The following RNF113B variants were observed in gnomAD, a reference collection of about 807,000 sequenced individuals.
The protein encoded by RNF113B is zinc finger protein 183-like 1.
A neutral mutation model predicts 22.2 loss-of-function variants in RNF113B; 12 were observed. The ratio of observed to expected loss-of-function variants is 0.54; its 90% CI spans 0.35 to 0.87. RNF113B has a LOEUF of 0.87. Ranked by LOEUF, RNF113B falls within the 40% of genes least tolerant of loss-of-function variation. The pLI is 0.01. For missense variants in RNF113B, 442 were observed against 455.4 expected, an observed-to-expected ratio of 0.97 and a Z score of 0.27; for synonymous variants, 194 against 184.6, an observed-to-expected ratio of 1.05 and a Z score of -0.41.
rs1345594228 is a variant in RNF113B, at chr13:98,177,086, C to T, written c.151G>A (p.Asp51Asn). Residue 51 changes from aspartate to asparagine, a missense_variant, in exon 1 of 2, where the codon GAC becomes AAC. Coordinates refer to ENST00000267291, the MANE Select transcript of RNF113B (RefSeq NM_178861.5). ...GGCTGAGCCACTGTGTCGCCCTCGT[C>T]CCCGCTGCTGCTGCTCTCTCCGTGC... Reference protein sequence around the residue: ...PEHGESSSSGDEGDTVAQPPR... With the variant: ...PEHGESSSSGNEGDTVAQPPR... The T allele has an allele frequency of 6.3e-7, 1 of 1,598,760 alleles. No individual in the cohort carries two copies. The highest frequency in any genetic ancestry group is 1.1e-5 in the South Asian group (1 of 90,904).
Position 98,176,983 on chromosome 13 carries a change from G to T in RNF113B, c.254C>A (p.Ala85Glu). 1.3e-6 allele frequency: 2 copies of T among 1,599,422 alleles called. No individual in the cohort carries two copies. Among genetic ancestry groups the T allele is most frequent in the Non-Finnish European group, 1.7e-6 (2 of 1,179,502 alleles). Residue 85 changes from alanine (A) to glutamate (E), a missense_variant, in exon 1 of 2, where the codon GCG (alanine) becomes GAG (glutamate). Transcript: ENST00000267291. The surrounding 1 kb of genome is among the most constrained non-coding windows in gnomAD (Gnocchi z 6.2). ...CACCACGTCGAGGCTCTCAGGCGCC[G>T]CCTCCTCGCCCCTCCTGTCGCCGTG... The part of the protein sequence containing the change: ...AAHGDRRGEE[A>E]APESLDVVYR...
At position 98,176,080 on chromosome 13, in the gene RNF113B, TG is replaced by T; in HGVS notation, c.*82del. ...ATTCTTTTGGTTACATACTCAGGCA[TG>T]GGATTGCAGGAAGACTGTCATCTCT... On this transcript the variant is annotated 3_prime_UTR_variant, in exon 2 of 2. Transcript: ENST00000267291. This position sits in a 1 kb window ranked among gnomAD's most constrained non-coding sequence, Gnocchi z 6.2. The T allele has an allele frequency of 7.5e-6, 9 of 1,195,120 alleles. No homozygotes were observed. Among genetic ancestry groups the T allele is most frequent in the Non-Finnish European group, 1.1e-5 (9 of 811,126 alleles). The allele number at this position is 1,195,120 out of a possible 1,614,324, so 74.0% of individuals were successfully genotyped here.
rs749879415 is a variant in RNF113B at position 98,176,517 on chromosome 13, G to A, written c.720C>T (p.Asp240=). ...LEEGRYCICE[D]ENHEVGSEEE... ...CCTCGCTTCCCACTTCATGGTTTTC[G>A]TCCTCGCAGATACAGTAGCGACCCT... Residue 240 remains aspartate, a synonymous_variant, in exon 1 of 2, where the codon GAC becomes GAT. Coordinates refer to ENST00000267291, the MANE Select transcript of RNF113B (RefSeq NM_178861.5). The surrounding 1 kb of genome is among the most constrained non-coding windows in gnomAD (Gnocchi z 6.2). The A allele has an allele frequency of 4.5e-5, 72 of 1,614,016 alleles. No individual in the cohort carries two copies. The highest frequency in any genetic ancestry group is 6.0e-5 in the Non-Finnish European group (71 of 1,180,034).
At position 98,176,482 on chromosome 13, in the gene RNF113B, A is replaced by T; in HGVS notation, c.755T>A (p.Ile252Lys). 1 of 1,614,130 alleles carries T rather than the reference A, an allele frequency of 6.2e-7. No homozygotes were observed. Among genetic ancestry groups the T allele is most frequent in the South Asian group, 1.1e-5 (1 of 91,086 alleles). Residue 252 changes from isoleucine (I) to lysine (K), a missense_variant, in exon 1 of 2, where the codon ATA becomes AAA. Coordinates refer to ENST00000267291, the MANE Select transcript of RNF113B (RefSeq NM_178861.5). The surrounding 1 kb of genome is among the most constrained non-coding windows in gnomAD (Gnocchi z 6.2). ...NHEVGSEEEE[I>K]PFRCFICRQA... ...GCGACATATGAAACACCTGAATGGT[A>T]TTTCCTCTTCCTCGCTTCCCACTTC...
chr13:98,177,240 T>G lies in RNF113B; in HGVS notation c.-4A>C. 1 of 1,545,056 alleles carries G rather than the reference T, an allele frequency of 6.5e-7. No homozygotes were observed. Reference sequence around the variant, plus strand: ...CTGGAGAAGGTGGCGCTGCCATGTTTGAGTCTCAGGCTCCCAACGGCCGTG... The same window carrying G: ...CTGGAGAAGGTGGCGCTGCCATGTTGGAGTCTCAGGCTCCCAACGGCCGTG... On this transcript the variant is annotated 5_prime_UTR_variant, in exon 1 of 2. Transcript: ENST00000267291.
In RNF113B at chr13:98,176,160, TTCTTATC is replaced by T; in HGVS notation, c.965_*2del. On this transcript the variant is annotated stop_lost and 3_prime_UTR_variant, in exon 2 of 2. Coordinates refer to ENST00000267291, the MANE Select transcript of RNF113B (RefSeq NM_178861.5). This position sits in a 1 kb window ranked among gnomAD's most constrained non-coding sequence, Gnocchi z 6.2. ...CCAGTGTACATACAGACTTGAGTCTTTCTTATCTCTTTTTTCCTAAAAGAACAAAAAA... is the reference window on the plus strand; with the variant it reads ...CCAGTGTACATACAGACTTGAGTCTTTCTTTTTTCCTAAAAGAACAAAAAA... 6.2e-7 allele frequency: 1 copy of T among 1,608,554 alleles called. No homozygotes were observed. The highest frequency in any genetic ancestry group is 1.1e-5 in the South Asian group (1 of 90,688).
rs776956246 is a variant in RNF113B, at chr13:98,177,130, C to T, written c.107G>A (p.Arg36His). ...TCCGTGCTCGGGGTCGCAGGCCGGG[C>T]GCTTTCTGAGGCCTGCAGCCCCTTT... The part of the protein sequence containing the change: ...GRKGAAGLRK[R>H]PACDPEHGES... The change falls in exon 1 of 2, where the codon CGC becomes CAC. Residue 36 changes from arginine to histidine, a missense_variant. By Grantham distance (29) the Arg-to-His change is conservative. Transcript: ENST00000267291. The T allele has an allele frequency of 3.1e-6, 5 of 1,604,276 alleles. No homozygotes were observed. The highest frequency in any genetic ancestry group is 1.3e-5 in the African/African-American group (1 of 74,868).
chr13:98,176,685 G>A lies in RNF113B; in HGVS notation c.552C>T (p.Arg184=), dbSNP rs768583405. The part of the protein sequence containing the change: ...KGPIRAPGHL[R]ATVRWDYQPD... ...GCTGGTAATCCCAGCGCACAGTGGCGCGCAGATGCCCTGGCGCACGTATGG... is the reference window on the plus strand; with the variant it reads ...GCTGGTAATCCCAGCGCACAGTGGCACGCAGATGCCCTGGCGCACGTATGG... The change falls in exon 1 of 2, where the codon CGC becomes CGT. Residue 184 remains arginine (R), a synonymous_variant. Coordinates refer to ENST00000267291, the MANE Select transcript of RNF113B (RefSeq NM_178861.5). This position sits in a 1 kb window ranked among gnomAD's most constrained non-coding sequence, Gnocchi z 6.2. 3.7e-6 allele frequency: 6 copies of A among 1,614,210 alleles called. No individual in the cohort carries two copies. Among genetic ancestry groups the A allele is most frequent in the Admixed American group, 3.3e-5 (2 of 60,030 alleles).
chr13:98,176,820 C>T lies in RNF113B; in HGVS notation c.417G>A (p.Arg139=). ...KCSQRVQEAL[R]GREHDHIYRG... is the part of the protein sequence containing the mutation. ...GGTAGATGTGGTCGTGCTCCCGACC[C>T]CGCAGTGCCTCCTGGACCCGCTGGC... Residue 139 remains arginine, a synonymous_variant, in exon 1 of 2, where the codon CGG becomes CGA. Coordinates refer to ENST00000267291, the MANE Select transcript of RNF113B (RefSeq NM_178861.5). The surrounding 1 kb of genome is among the most constrained non-coding windows in gnomAD (Gnocchi z 6.2). 1 of 1,612,728 alleles carries T rather than the reference C, an allele frequency of 6.2e-7. No individual in the cohort carries two copies. The highest frequency in any genetic ancestry group is 8.5e-7 in the Non-Finnish European group (1 of 1,179,990).
In RNF113B at chr13:98,177,152, C is replaced by A. The variant is rs1327860170; in HGVS notation, c.85G>T (p.Gly29Trp). The stretch of plus-strand genomic sequence containing the variant: ...GGGCGCTTTCTGAGGCCTGCAGCCC[C>A]TTTCCGTCCAGGCTTTTTGAAGAGG... ...TFLFKKPGRKGAAGLRKRPAC... is the reference protein window; with the variant it reads ...TFLFKKPGRKWAAGLRKRPAC... The change falls in exon 1 of 2, where the codon GGG (glycine) becomes TGG (tryptophan). Residue 29 changes from glycine to tryptophan, a missense_variant. Transcript: ENST00000267291. 1 of 1,607,410 alleles carries A rather than the reference C, an allele frequency of 6.2e-7. No individual in the cohort carries two copies.
rs1482387883 is a variant in RNF113B at position 98,177,055 on chromosome 13, C to T, written c.182G>A (p.Arg61Gln). ...DEGDTVAQPP[R>Q]VAPRPRGLHS... ...GAGGCCCCGGGGCCTCGGTGCCACCCGCGGGGGCTGAGCCACTGTGTCGCC... is the reference window on the plus strand; with the variant it reads ...GAGGCCCCGGGGCCTCGGTGCCACCTGCGGGGGCTGAGCCACTGTGTCGCC... Residue 61 changes from arginine to glutamine, a missense_variant, in exon 1 of 2, where the codon CGG (arginine) becomes CAG (glutamine). By Grantham distance (43) the Arg-to-Gln change is conservative (BLOSUM62 1). Coordinates refer to ENST00000267291, the MANE Select transcript of RNF113B (RefSeq NM_178861.5). The T allele has an allele frequency of 1.9e-6, 3 of 1,594,562 alleles. No individual in the cohort carries two copies. The highest frequency in any genetic ancestry group is 2.2e-5 in the South Asian group (2 of 90,562).
chr13:98,176,588 G>A lies in RNF113B; in HGVS notation c.649C>T (p.Arg217Cys). ...TCCCACCCGAGCTTGTAATCGGAAC[G>A]GTCGTGGAGGAATTTGCAGCTGTCC... The part of the protein sequence containing the change: ...FGDSCKFLHD[R>C]SDYKLGWEIE... Residue 217 changes from arginine to cysteine, a missense_variant, in exon 1 of 2, where the codon CGT becomes TGT. Coordinates refer to ENST00000267291, the MANE Select transcript of RNF113B (RefSeq NM_178861.5). This position sits in a 1 kb window ranked among gnomAD's most constrained non-coding sequence, Gnocchi z 6.2. 2 of 1,614,166 alleles carry A rather than the reference G, an allele frequency of 1.2e-6. No homozygotes were observed. The highest frequency in any genetic ancestry group is 1.6e-4 in the Middle Eastern group (1 of 6,062).
chr13:98,176,105 CTCTCATCTTA>C lies in RNF113B; in HGVS notation c.*48_*57del. ...TGGGATTGCAGGAAGACTGTCATCT[CTCTCATCTTA>C]CTCAACAGGCTGCTTCTCCCCAGTG... On this transcript the variant is annotated 3_prime_UTR_variant, in exon 2 of 2. Transcript: ENST00000267291. The surrounding 1 kb of genome is among the most constrained non-coding windows in gnomAD (Gnocchi z 6.2). 1 of 1,446,734 alleles carries C rather than the reference CTCTCATCTTA, an allele frequency of 6.9e-7. No individual in the cohort carries two copies. The highest frequency in any genetic ancestry group is 1.8e-5 in the Admixed American group (1 of 56,668). 89.6% of individuals were successfully genotyped at this position (1,446,734 alleles called of 1,614,324 possible).
In RNF113B at chr13:98,176,442, G is replaced by A. The variant is rs1878037477; in HGVS notation, c.795C>T (p.Asn265=). ...AATGCCTGCACTTGGTGACGACTGG[G>A]TTTTGGAAGGCCTGGCGACATATGA... The part of the protein sequence containing the change: ...RCFICRQAFQ[N]PVVTKCRHYF... Residue 265 remains asparagine (N), a synonymous_variant, in exon 1 of 2, where the codon AAC becomes AAT. Coordinates refer to ENST00000267291, the MANE Select transcript of RNF113B (RefSeq NM_178861.5). This position sits in a 1 kb window ranked among gnomAD's most constrained non-coding sequence, Gnocchi z 6.2. The A allele has an allele frequency of 6.2e-7, 1 of 1,614,114 alleles. No individual in the cohort carries two copies. Among genetic ancestry groups the A allele is most frequent in the African/African-American group, 1.3e-5 (1 of 74,936 alleles).
In RNF113B at chr13:98,177,093, G is replaced by C; in HGVS notation, c.144C>G (p.Ser48Arg). The C allele has an allele frequency of 1.3e-6, 2 of 1,599,666 alleles. No homozygotes were observed. The highest frequency in any genetic ancestry group is 1.7e-6 in the Non-Finnish European group (2 of 1,179,466). Reference protein sequence around the residue: ...ACDPEHGESSSSGDEGDTVAQ... With the variant: ...ACDPEHGESSRSGDEGDTVAQ... The stretch of plus-strand genomic sequence containing the variant: ...CCACTGTGTCGCCCTCGTCCCCGCT[G>C]CTGCTGCTCTCTCCGTGCTCGGGGT... The change falls in exon 1 of 2, where the codon AGC (serine) becomes AGG (arginine). Residue 48 changes from serine to arginine, a missense_variant. Physicochemically the swap from Ser to Arg is moderately radical, Grantham distance 110. Coordinates refer to ENST00000267291, the MANE Select transcript of RNF113B (RefSeq NM_178861.5).
Position 98,176,095 on chromosome 13 carries a change from A to G in RNF113B, c.*68T>C, listed in dbSNP as rs115127901. 6.2e-3 allele frequency: 8,380 copies of G among 1,342,610 alleles called. 121 individuals are homozygous for G. The highest frequency in any genetic ancestry group is 0.044 in the African/African-American group (2,989 of 68,654). The allele number at this position is 1,342,610 out of a possible 1,614,324, so 83.2% of individuals were successfully genotyped here. ...TACTCAGGCATGGGATTGCAGGAAG[A>G]CTGTCATCTCTCTCATCTTACTCAA... is the stretch of plus-strand genomic sequence containing the variant. On this transcript the variant is annotated 3_prime_UTR_variant, in exon 2 of 2. Coordinates refer to ENST00000267291, the MANE Select transcript of RNF113B (RefSeq NM_178861.5). The surrounding 1 kb of genome is among the most constrained non-coding windows in gnomAD (Gnocchi z 6.2).
chr13:98,176,866 G>A lies in RNF113B; in HGVS notation c.371C>T (p.Thr124Met), dbSNP rs773143765. The A allele has an allele frequency of 4.3e-6, 7 of 1,609,268 alleles. No homozygotes were observed. The highest frequency in any genetic ancestry group is 5.9e-6 in the Non-Finnish European group (7 of 1,179,956). ...FEQDTEKEHH[T>M]PTILKCSQRV... ...CTGGCTGCACTTGAGGATGGTCGGC[G>A]TATGGTGCTCCTTCTCGGTGTCCTG... The change falls in exon 1 of 2, where the codon ACG (threonine) becomes ATG (methionine). Residue 124 changes from threonine to methionine, a missense_variant. Coordinates refer to ENST00000267291, the MANE Select transcript of RNF113B (RefSeq NM_178861.5). The surrounding 1 kb of genome is among the most constrained non-coding windows in gnomAD (Gnocchi z 6.2).
Position 98,176,598 on chromosome 13 carries a change from G to A in RNF113B, c.639C>T (p.Phe213=), listed in dbSNP as rs1276265987. The A allele has an allele frequency of 1.2e-6, 2 of 1,614,078 alleles. No individual in the cohort carries two copies. The highest frequency in any genetic ancestry group is 2.7e-5 in the African/African-American group (2 of 74,926). ...GCTTGTAATCGGAACGGTCGTGGAG[G>A]AATTTGCAGCTGTCCCCGAAGCCAC... The part of the protein sequence containing the change: ...GFCGFGDSCK[F]LHDRSDYKLG... Residue 213 remains phenylalanine (F), a synonymous_variant, in exon 1 of 2, where the codon TTC becomes TTT. Coordinates refer to ENST00000267291, the MANE Select transcript of RNF113B (RefSeq NM_178861.5). This position sits in a 1 kb window ranked among gnomAD's most constrained non-coding sequence, Gnocchi z 6.2.
At position 98,175,927 on chromosome 13, in the gene RNF113B, T is replaced by C. The variant is rs1321715239; in HGVS notation, c.*236A>G. 1.8e-6 allele frequency: 1 copy of C among 552,710 alleles called. No homozygotes were observed. The highest frequency in any genetic ancestry group is 3.2e-6 in the Non-Finnish European group (1 of 310,186). The allele number at this position is 552,710 out of a possible 1,614,324, so 34.2% of individuals were successfully genotyped here. A position where few individuals can be genotyped will look rare whatever the true frequency, so the allele number is the denominator to read the frequency against. On this transcript the variant is annotated 3_prime_UTR_variant, in exon 2 of 2. Coordinates refer to ENST00000267291, the MANE Select transcript of RNF113B (RefSeq NM_178861.5). ...AGGCTTAATAGCATTCCATTGTGTG[T>C]GTGTATCGCATTTTGTTTGTCCATT...
Sources: allele counts gnomAD v4.1 joint callset, GRCh38; gene constraint gnomAD v4.1.1; non-coding constraint Gnocchi (gnomAD v3.1); transcripts MANE v1.5; gene names NCBI Gene and HGNC (gene_info 2026-07-23, HGNC 2026-07-21).